Variants in KLHDC4 observed in about 807,000 individuals in gnomAD.
KLHDC4 encodes kelch domain containing 4, also known as kelch domain-containing protein 4.
Under a neutral mutation model 62.4 loss-of-function variants are expected in KLHDC4, and 90 were observed. The ratio of observed to expected loss-of-function variants is 1.44; its 90% CI spans 1.22 to 1.72. The LOEUF is 1.72. Ranked by LOEUF, KLHDC4 falls within the 40% of genes most tolerant of loss-of-function variation. The probability of loss-of-function intolerance (pLI) is 0.00; values close to 1 mark genes in which losing one functional copy is unlikely to be tolerated. For synonymous variants in KLHDC4, 386 were observed against 284.4 expected, an observed-to-expected ratio of 1.36 and a Z score of -3.59; for missense variants, 1,025 against 699.7, an observed-to-expected ratio of 1.47 and a Z score of -5.25.
rs192207086 is a variant in KLHDC4, at chr16:87,714,596, G to T, written c.760-23C>A. 21 of 1,613,516 alleles carry T rather than the reference G, an allele frequency of 1.3e-5. No individual in the cohort carries two copies. In the East Asian group the frequency reaches 4.7e-4, roughly 36 times the overall value. ...TCTCTGCAATGGAAAGGAATTGTGT[G>T]AGAACCGGGGGCAGCTACAGTGGTT... On this transcript the variant is annotated intron_variant, in intron 7 of 11. Transcript: ENST00000270583.
chr16:87,714,847 A>G (rs2036619365), intron 7 of KLHDC4, among the ~76,000 whole-genome samples: 1 of 152,206 alleles, frequency 6.6e-6, no homozygotes, highest in Non-Finnish European at 1.5e-5. Context: ...CAGCTTCCAC[A>G]GCAGCCCTGG....
At chr16:87,723,686 C>G (rs2038850879) in intron 7 of KLHDC4, among the ~76,000 whole-genome samples, 1 of 152,282 alleles carries the variant, frequency 6.6e-6, no homozygotes, top group East Asian at 1.9e-4. Flanking sequence ...TCGGTACAAT[C>G]TCTGACCAAC....
Position 87,761,989 on chromosome 16 carries a change from T to C in KLHDC4, c.151A>G (p.Thr51Ala). The C allele has an allele frequency of 6.2e-6, 10 of 1,613,860 alleles. No homozygotes were observed. The highest frequency in any genetic ancestry group is 8.5e-6 in the Non-Finnish European group (10 of 1,179,924). The change falls in exon 2 of 12, where the codon ACT (threonine) becomes GCT (alanine). Residue 51 changes from threonine (T) to alanine (A), a missense_variant. By Grantham distance (58) the Thr-to-Ala change is moderately conservative (BLOSUM62 0). Transcript: ENST00000270583. The stretch of plus-strand genomic sequence containing the variant: ...GGGCACGGAAGTTCCACAGTCTGAG[T>C]CCTCTTGGCATCGAGTGTCTGGAAA... ...AHFQTLDAKR[T>A]QTVELPCPPP... is the part of the protein sequence containing the mutation.
At chr16:87,727,646 C>G (rs534093708) in intron 6 of KLHDC4, among the ~76,000 whole-genome samples, 1 of 152,288 alleles carries the variant, frequency 6.6e-6, no homozygotes, top group South Asian at 2.1e-4. Context: ...CATGGGGAGA[C>G]TCGGAGGCGC....
At chr16:87,721,522 C>T (rs3925671) in intron 7 of KLHDC4, among the ~76,000 whole-genome samples, 2 of 151,526 alleles carry the variant, frequency 1.3e-5, no homozygotes, top group African/African-American at 2.4e-5. Flanking sequence ...TTCCCCAGCA[C>T]GAGACAAGCT....
chr16:87,725,317 C>T (rs1453475383), intron 7 of KLHDC4, among the ~76,000 whole-genome samples: 2 of 152,190 alleles, frequency 1.3e-5, no homozygotes, highest in African/African-American at 2.4e-5. Context: ...AGGCGCCCGC[C>T]ACCACGCCCG....
intron 5 of KLHDC4, among the ~76,000 whole-genome samples, chr16:87,733,739 G>A (rs926435377): frequency 7.5e-6 from 1 of 133,714 alleles, no homozygotes; most frequent in African/African-American, 3.1e-5. Context: ...CTGATGACCT[G>A]CCTCTCCTCC....
At chr16:87,714,425 G>A in intron 8 of KLHDC4, 73 bp downstream of exon 8, 1 of 1,364,382 alleles carries the variant, frequency 7.3e-7, no homozygotes, top group South Asian at 1.2e-5. Flanking sequence ...CCACATCCAT[G>A]GGAGGGTGTG....
chr16:87,702,357 G>A (rs900941834), exon 1 of KLHDC4: 4 of 444,174 alleles, frequency 9.0e-6, no homozygotes, highest in African/African-American at 2.0e-5. Flanking sequence ...GTGTGAGGGT[G>A]CAGGGGCAGG....
At chr16:87,714,069 C>T (rs949765665) in intron 8 of KLHDC4, among the ~76,000 whole-genome samples, 3 of 152,156 alleles carry the variant, frequency 2.0e-5, no homozygotes, top group African/African-American at 7.2e-5. Context: ...CCAGCTGCTG[C>T]CCGCAACCAC....
chr16:87,747,208 T>A (rs2143023833), intron 5 of KLHDC4, among the ~76,000 whole-genome samples: 2 of 152,342 alleles, frequency 1.3e-5, no homozygotes, highest in East Asian at 3.9e-4. Context: ...AACACCAGCC[T>A]GGCGGGACTT....
chr16:87,709,201 GGAC>G, intron 10 of KLHDC4, 61 bp downstream of exon 10: 1 of 1,546,080 alleles, frequency 6.5e-7, no homozygotes, highest in Middle Eastern at 1.8e-4. Flanking sequence ...TGCTTTCGAG[GGAC>G]GCGACACACG....
At chr16:87,706,841 C>G (rs2034795222), downstream of KLHDC4, among the ~76,000 whole-genome samples, 1 of 152,230 alleles carries the variant, frequency 6.6e-6, no homozygotes, top group Admixed American at 6.5e-5. Context: ...CTGGGCCCAC[C>G]TGGAGCCGTA....
chr16:87,714,744 C>T (rs1250595251), intron 7 of KLHDC4, among the ~76,000 whole-genome samples, 171 bp from the exon 8 acceptor site: 1 of 152,232 alleles, frequency 6.6e-6, no homozygotes, highest in South Asian at 2.1e-4. Context: ...CACCACCTGA[C>T]AGGCTTTATC....
intron 9 of KLHDC4, chr16:87,709,902 C>CA (rs202173230): frequency 6.3e-4 from 357 of 568,250 alleles, no homozygotes; most frequent in African/African-American, 6.2e-3. Flanking sequence ...GAAAACCCCC[C>CA]ACTGCGTGTC....
chr16:87,744,838 T>C (rs1158178768), intron 5 of KLHDC4, among the ~76,000 whole-genome samples: 1 of 144,708 alleles, frequency 6.9e-6, no homozygotes, highest in Non-Finnish European at 1.5e-5. Flanking sequence ...GTTCTCCAGA[T>C]CACTGCGTCA....
chr16:87,705,151 G>A (rs575432980), downstream of KLHDC4, among the ~76,000 whole-genome samples: 5 of 152,342 alleles, frequency 3.3e-5, no homozygotes, highest in East Asian at 1.9e-4. Flanking sequence ...GGGCAAGAAC[G>A]TGGCACCGAG....
intron 5 of KLHDC4, among the ~76,000 whole-genome samples, chr16:87,741,452 TG>T (rs2042228943): frequency 6.6e-6 from 1 of 152,200 alleles, no homozygotes; most frequent in Non-Finnish European, 1.5e-5. Flanking sequence ...TGTTGTGGGC[TG>T]CACACACCAT....
chr16:87,719,832 G>A (rs1471553093), intron 7 of KLHDC4, among the ~76,000 whole-genome samples: 1 of 152,198 alleles, frequency 6.6e-6, no homozygotes. Context: ...GCGCAACAGG[G>A]CTGGCTCTGG....
Sources: gnomAD v4.1 joint callset for allele counts (sites outside exome capture counted in the v4.1 genomes callset) on GRCh38, gnomAD v4.1.1 for gene constraint, MANE v1.5 for transcripts, NCBI Gene and HGNC (gene_info 2026-07-23, HGNC 2026-07-21) for gene names.